Variants in FHIT observed in about 807,000 individuals in gnomAD.
FHIT encodes the protein bis(5'-adenosyl)-triphosphatase.
FHIT carries 19 observed loss-of-function variants against 17.9 expected under a neutral mutation model. That is an observed-to-expected ratio of 1.06 (90% CI 0.74 to 1.56). The LOEUF (loss-of-function observed/expected upper bound fraction) is 1.56. Among genes scored for constraint, FHIT ranks in the 40% most tolerant of loss-of-function variants. The pLI, the probability that FHIT is intolerant of heterozygous loss-of-function variation, is 0.00. For synonymous variants in FHIT, 81 were observed against 69.7 expected, an observed-to-expected ratio of 1.16 and a Z score of -0.81; for missense variants, 248 against 189.2, an observed-to-expected ratio of 1.31 and a Z score of -1.82.
chr3:59,782,901 A>C (rs1702660925), intron 8 of FHIT, among the ~76,000 whole-genome samples: 1 of 152,194 alleles, frequency 6.6e-6, no homozygotes, highest in African/African-American at 2.4e-5. Flanking sequence ...CCAAGACAGC[A>C]GGAAGATTGC....
chr3:60,530,482 C>A (rs1458606934), intron 5 of FHIT, among the ~76,000 whole-genome samples: 1 of 152,250 alleles, frequency 6.6e-6, no homozygotes, highest in African/African-American at 2.4e-5. Flanking sequence ...ATCCATTGTT[C>A]TGTCTATGAT....
intron 8 of FHIT, among the ~76,000 whole-genome samples, chr3:59,878,974 C>T (rs114487861): frequency 0.014 from 2,054 of 151,324 alleles, 53 homozygotes; most frequent in African/African-American, 0.045. Context: ...CTGTCTATTT[C>T]GCATAGGCTT....
chr3:60,785,639 C>T (rs574068585), intron 4 of FHIT, among the ~76,000 whole-genome samples: 1 of 152,256 alleles, frequency 6.6e-6, no homozygotes, highest in African/African-American at 2.4e-5. Context: ...TTGAAATTGA[C>T]ATAAAACCAA....
chr3:60,481,227 C>T (rs532961029), intron 5 of FHIT, among the ~76,000 whole-genome samples: 16 of 152,178 alleles, frequency 1.1e-4, no homozygotes, highest in Admixed American at 3.3e-4. Flanking sequence ...ATGGGAAGAA[C>T]GGAAACAAGC....
At chr3:59,916,263 A>G (rs891381683) in intron 8 of FHIT, among the ~76,000 whole-genome samples, 3 of 152,048 alleles carry the variant, frequency 2.0e-5, no homozygotes, top group South Asian at 2.1e-4. Context: ...TCGGACTCCA[A>G]GTTTTTCAGC....
At chr3:60,476,551 G>C (rs2033353007) in intron 5 of FHIT, among the ~76,000 whole-genome samples, 1 of 152,206 alleles carries the variant, frequency 6.6e-6, no homozygotes, top group Non-Finnish European at 1.5e-5. Flanking sequence ...AGGCTAGAAA[G>C]ATCAGCTGGG....
intron 3 of FHIT, among the ~76,000 whole-genome samples, chr3:60,988,946 TAAAAAAAAAAAAAAA>T (rs535898632): frequency 8.7e-5 from 3 of 34,334 alleles, no homozygotes; most frequent in African/African-American, 2.6e-4. Flanking sequence ...ATGGCTTTGT[TAAAAAAAAAAAAAAA>T]AAAAAAAAAA....
chr3:61,044,358 C>T (rs536024138), intron 2 of FHIT, among the ~76,000 whole-genome samples: 2 of 152,088 alleles, frequency 1.3e-5, no homozygotes, highest in South Asian at 2.1e-4. Flanking sequence ...GTAGCCAATT[C>T]GATCAAGTGG....
intron 8 of FHIT, among the ~76,000 whole-genome samples, chr3:59,891,873 T>G (rs889179804): frequency 1.3e-5 from 2 of 152,168 alleles, no homozygotes; most frequent in African/African-American, 2.4e-5. Context: ...CACTCTGAGA[T>G]TTCTGTTTAG....
chr3:60,079,593 C>T (rs7615522), intron 5 of FHIT, among the ~76,000 whole-genome samples: 36,488 of 151,792 alleles, frequency 0.24, 4,537 homozygotes, highest in African/African-American at 0.3. Flanking sequence ...ATGCCACCCA[C>T]TCCTGAGAAC....
At chr3:60,193,177 C>A (rs981579107) in intron 5 of FHIT, among the ~76,000 whole-genome samples, 1 of 152,166 alleles carries the variant, frequency 6.6e-6, no homozygotes, top group Non-Finnish European at 1.5e-5. Context: ...AGTCACTTTA[C>A]GAGAACTACT....
intron 5 of FHIT, among the ~76,000 whole-genome samples, chr3:60,426,473 T>C (rs974448345): frequency 6.6e-6 from 1 of 152,010 alleles, no homozygotes; most frequent in African/African-American, 2.4e-5. Flanking sequence ...TGATAAATAG[T>C]CTCTACTTTG....
chr3:60,522,872 T>C (rs1157702225), intron 5 of FHIT, among the ~76,000 whole-genome samples: 2 of 152,072 alleles, frequency 1.3e-5, no homozygotes, highest in African/African-American at 4.8e-5. Context: ...TTTTTGTTGG[T>C]TTTCAGGCTG....
At chr3:60,956,733 T>A (rs1055068659) in intron 3 of FHIT, among the ~76,000 whole-genome samples, 3 of 152,182 alleles carry the variant, frequency 2.0e-5, no homozygotes, top group African/African-American at 7.2e-5. Context: ...AACCAGAAGC[T>A]GGAAGAAAAG....
At chr3:59,914,326 G>T (rs971874363) in intron 8 of FHIT, among the ~76,000 whole-genome samples, 1 of 151,930 alleles carries the variant, frequency 6.6e-6, no homozygotes, top group Non-Finnish European at 1.5e-5. Flanking sequence ...ACGTCACCCC[G>T]CAGTGACAAA....
chr3:60,740,403 TA>T (rs2042218596), intron 4 of FHIT, among the ~76,000 whole-genome samples: 1 of 152,218 alleles, frequency 6.6e-6, no homozygotes, highest in African/African-American at 2.4e-5. Context: ...ACGGATTTGT[TA>T]AAAGGGTTAA....
chr3:60,917,487 A>C (rs1045595651), intron 3 of FHIT, among the ~76,000 whole-genome samples: 1 of 152,198 alleles, frequency 6.6e-6, no homozygotes, highest in Admixed American at 6.5e-5. Flanking sequence ...TCATAATTAA[A>C]ATCTAAAATC....
intron 3 of FHIT, among the ~76,000 whole-genome samples, chr3:60,962,607 A>G (rs529254939): frequency 2.2e-4 from 33 of 152,320 alleles, no homozygotes; most frequent in African/African-American, 7.2e-4. Flanking sequence ...ACGTCCCATC[A>G]CTACCTAGTT....
intron 8 of FHIT, among the ~76,000 whole-genome samples, chr3:59,907,918 C>T (rs1367775838): frequency 6.6e-6 from 1 of 152,156 alleles, no homozygotes; most frequent in East Asian, 1.9e-4. Context: ...ATCTTTAAGG[C>T]CATTGATGGC....
Sources: gnomAD v4.1 joint callset for allele counts (sites outside exome capture counted in the v4.1 genomes callset) on GRCh38, gnomAD v4.1.1 for gene constraint, MANE v1.5 for transcripts, NCBI Gene and HGNC (gene_info 2026-07-23, HGNC 2026-07-21) for gene names.